ADAMTSL3: variants seen among roughly 807,000 people sequenced by gnomAD.
ADAMTSL3 encodes ADAMTS like 3, also known as ADAMTS-like protein 3.
Under a neutral mutation model 201.7 loss-of-function variants are expected in ADAMTSL3, and 128 were observed. The observed-to-expected ratio is 0.63, with a 90% CI of 0.55 to 0.73. The LOEUF (loss-of-function observed/expected upper bound fraction) is 0.73. Among genes scored for constraint, ADAMTSL3 ranks in the 30% least tolerant of loss-of-function variants. The pLI is 0.00. For missense variants in ADAMTSL3, 1,990 were observed against 2,119.6 expected, an observed-to-expected ratio of 0.94 and a Z score of 1.20; for synonymous variants, 738 against 748.4, an observed-to-expected ratio of 0.99 and a Z score of 0.23.
rs1472834447 is a variant in ADAMTSL3, at chr15:83,870,901, G to A, written c.902G>A (p.Gly301Asp). 3 of 1,613,428 alleles carry A rather than the reference G, an allele frequency of 1.9e-6. No homozygotes were observed. Among genetic ancestry groups the A allele is most frequent in the Admixed American group, 1.7e-5 (1 of 59,910 alleles). The change falls in exon 9 of 30, where the codon GGC becomes GAC. Residue 301 changes from glycine (G) to aspartate (D), a missense_variant. Transcript: ENST00000286744. ...VENTTVEFQR[G>D]SERQTFKIPG... is the part of the protein sequence containing the mutation. ...AACACAACAGTGGAATTTCAGAGGG[G>A]CTCCGAGAGGCAAACTTTTAAGATT...
intron 3 of ADAMTSL3, among the ~76,000 whole-genome samples, chr15:83,730,317 G>A (rs964101896): frequency 2.6e-5 from 4 of 152,108 alleles, no homozygotes; most frequent in East Asian, 3.9e-4. Flanking sequence ...GAGGCCAGGG[G>A]CACTGACTTC....
At chr15:83,989,045 G>T (rs970364795) in intron 22 of ADAMTSL3, among the ~76,000 whole-genome samples, 1 of 151,828 alleles carries the variant, frequency 6.6e-6, no homozygotes, top group Admixed American at 6.6e-5. Context: ...ACCACGCCCG[G>T]CTAATTTTTT....
chr15:83,836,419 T>C (rs2064270002), intron 6 of ADAMTSL3, among the ~76,000 whole-genome samples: 2 of 152,240 alleles, frequency 1.3e-5, no homozygotes, highest in South Asian at 4.1e-4. Flanking sequence ...CTAAACTTCC[T>C]TGAAACTTAC....
At chr15:83,953,856 G>A (rs191675605) in intron 19 of ADAMTSL3, among the ~76,000 whole-genome samples, 78 of 152,228 alleles carry the variant, frequency 5.1e-4, no homozygotes, top group South Asian at 1.9e-3. Flanking sequence ...AATATGTCAT[G>A]CCACTCTCTC....
chr15:83,753,409 G>A (rs913530706), intron 3 of ADAMTSL3, among the ~76,000 whole-genome samples: 24 of 152,268 alleles, frequency 1.6e-4, no homozygotes, highest in African/African-American at 5.3e-4. Flanking sequence ...AGAAGGAGAG[G>A]TATGAGATAG....
chr15:83,699,319 A>G (rs548518673), intron 2 of ADAMTSL3, among the ~76,000 whole-genome samples: 1 of 152,258 alleles, frequency 6.6e-6, no homozygotes, highest in South Asian at 2.1e-4. Context: ...TTTCTGCCTC[A>G]GGGCTATCCA....
chr15:83,743,519 CAAAAAAAAAA>C (rs759218799), intron 3 of ADAMTSL3, among the ~76,000 whole-genome samples: 3 of 57,098 alleles, frequency 5.3e-5, no homozygotes, highest in African/African-American at 1.8e-4. Context: ...GACTCCGTCT[CAAAAAAAAAA>C]AAAAAAAAAA....
chr15:83,822,221 G>T (rs1464756078), intron 6 of ADAMTSL3, among the ~76,000 whole-genome samples: 1 of 132,846 alleles, frequency 7.5e-6, no homozygotes, highest in East Asian at 2.4e-4. Context: ...GGGCGGAGAC[G>T]CTCCTCACTT....
chr15:83,759,876 A>G (rs4843155), intron 3 of ADAMTSL3, among the ~76,000 whole-genome samples: 30,997 of 152,106 alleles, frequency 0.2, 4,128 homozygotes, highest in Middle Eastern at 0.38. Context: ...GATGTTTTTC[A>G]TCCTCTTACC....
chr15:83,782,818 CCCATGGGAAAAGTTTACCTATA>C (rs995050458), intron 4 of ADAMTSL3, among the ~76,000 whole-genome samples: 5 of 151,546 alleles, frequency 3.3e-5, no homozygotes, highest in African/African-American at 1.2e-4. Flanking sequence ...CCAACAAACC[CCCATGGGAAAAGTTTACCTATA>C]TAACAAGCCT....
intron 4 of ADAMTSL3, among the ~76,000 whole-genome samples, chr15:83,792,405 C>A (rs1427801822): frequency 6.6e-6 from 1 of 152,088 alleles, no homozygotes; most frequent in Non-Finnish European, 1.5e-5. Flanking sequence ...GGCAAGGATG[C>A]AGAGAAAAGG....
chr15:83,658,337 G>A (rs1238452425), intron 2 of ADAMTSL3, among the ~76,000 whole-genome samples: 1 of 152,182 alleles, frequency 6.6e-6, no homozygotes, highest in African/African-American at 2.4e-5. Flanking sequence ...TCGAACTCCT[G>A]ACCTCAAGTG....
Position 84,006,200 on chromosome 15 carries a change from C to G in ADAMTSL3, c.3974-8342C>G, listed in dbSNP as rs141855299. Among the ~76,000 whole-genome samples, 1,036 of 152,190 alleles carry G rather than the reference C, an allele frequency of 6.8e-3. 16 individuals are homozygous for G. The highest frequency in any genetic ancestry group is 0.024 in the African/African-American group (986 of 41,534). ...TTCTTTCATTTATTAGTGATGACTC[C>G]CTTTGTCTATCCTGTGTTTGATTTG... is the stretch of plus-strand genomic sequence containing the variant. On this transcript the variant is annotated intron_variant, in intron 23 of 29. Transcript: ENST00000286744.
chr15:83,956,237 C>T (rs1000281805), intron 19 of ADAMTSL3, among the ~76,000 whole-genome samples: 14 of 152,182 alleles, frequency 9.2e-5, no homozygotes, highest in African/African-American at 3.4e-4. Context: ...CTGTGCTCTC[C>T]CTCCCTGAAG....
intron 17 of ADAMTSL3, among the ~76,000 whole-genome samples, chr15:83,933,878 C>T (rs2066410136): frequency 6.6e-6 from 1 of 152,218 alleles, no homozygotes; most frequent in South Asian, 2.1e-4. Context: ...GGTGTTGGGC[C>T]TGCAGGTGCA....
At chr15:83,926,152 A>G (rs555409935) in intron 17 of ADAMTSL3, among the ~76,000 whole-genome samples, 1 of 152,316 alleles carries the variant, frequency 6.6e-6, no homozygotes, top group African/African-American at 2.4e-5. Flanking sequence ...GAAGTTATTT[A>G]AGACATAAAC....
intron 23 of ADAMTSL3, among the ~76,000 whole-genome samples, chr15:84,003,011 G>A (rs765800291): frequency 7.6e-6 from 1 of 132,366 alleles, no homozygotes; most frequent in Non-Finnish European, 1.5e-5. Context: ...GCAGTGCCAT[G>A]CAGTGGCATG....
At chr15:83,809,486 C>T (rs1306751056) in intron 5 of ADAMTSL3, among the ~76,000 whole-genome samples, 3 of 152,202 alleles carry the variant, frequency 2.0e-5, no homozygotes, top group African/African-American at 7.2e-5. Flanking sequence ...AAAAAACTCC[C>T]TTGCAGTCCC....
chr15:83,850,113 C>T (rs1340942540), intron 7 of ADAMTSL3, among the ~76,000 whole-genome samples: 1 of 151,640 alleles, frequency 6.6e-6, no homozygotes, highest in South Asian at 2.1e-4. Context: ...AAAAAAAAAT[C>T]CAAGTAAAAC....
Sources: allele counts gnomAD v4.1 joint callset (sites outside exome capture counted in the v4.1 genomes callset), GRCh38; gene constraint gnomAD v4.1.1; transcripts MANE v1.5; gene names NCBI Gene and HGNC (gene_info 2026-07-23, HGNC 2026-07-21).